Variants in PIK3C2G observed in about 807,000 individuals in gnomAD.
The protein encoded by PIK3C2G is phosphatidylinositol-4-phosphate 3-kinase catalytic subunit type 2 gamma, also known as phosphatidylinositol 3-kinase C2 domain-containing subunit gamma.
In PIK3C2G, 168 loss-of-function variants were observed where a neutral mutation model predicts 181.1. The ratio of observed to expected loss-of-function variants is 0.93; its 90% CI spans 0.82 to 1.05. PIK3C2G has a LOEUF of 1.05. Among genes scored for constraint, PIK3C2G ranks in the 50% least tolerant of loss-of-function variants. The pLI, the probability that PIK3C2G is intolerant of heterozygous loss-of-function variation, is 0.00. For synonymous variants in PIK3C2G, 573 were observed against 592.2 expected, an observed-to-expected ratio of 0.97 and a Z score of 0.47; for missense variants, 1,869 against 1,732.8, an observed-to-expected ratio of 1.08 and a Z score of -1.40.
intron 8 of PIK3C2G, among the ~76,000 whole-genome samples, chr12:18,329,499 C>T (rs1937690740): frequency 1.3e-5 from 2 of 151,926 alleles, no homozygotes; most frequent in Admixed American, 1.3e-4. Flanking sequence ...GATTTTCTTT[C>T]TAAGGTCTCC....
At chr12:18,284,456 A>G (rs1367302077) in intron 2 of PIK3C2G, among the ~76,000 whole-genome samples, 3 of 152,164 alleles carry the variant, frequency 2.0e-5, no homozygotes, top group Non-Finnish European at 4.4e-5. Context: ...AAAATTCAAC[A>G]TAAAATAAAA....
intron 22 of PIK3C2G, among the ~76,000 whole-genome samples, chr12:18,498,732 C>T (rs758093969): frequency 4.6e-5 from 7 of 152,226 alleles, no homozygotes; most frequent in South Asian, 2.1e-4. Context: ...CAAATTCACT[C>T]GCCACTTAAT....
At chr12:18,590,120 T>G (rs1405340498) in intron 29 of PIK3C2G, among the ~76,000 whole-genome samples, 1 of 151,106 alleles carries the variant, frequency 6.6e-6, no homozygotes, top group Non-Finnish European at 1.5e-5. Context: ...ATTCAGAGTT[T>G]TTTTTTTTTT....
At chr12:18,642,878 T>A (rs1435147366) in intron 32 of PIK3C2G, among the ~76,000 whole-genome samples, 1 of 151,732 alleles carries the variant, frequency 6.6e-6, no homozygotes, top group African/African-American at 2.4e-5. Flanking sequence ...AGAGAGATTC[T>A]CTAAACTGGT....
At chr12:18,279,101 T>C (rs1949104980) in intron 1 of PIK3C2G, among the ~76,000 whole-genome samples, 1 of 152,098 alleles carries the variant, frequency 6.6e-6, no homozygotes, top group African/African-American at 2.4e-5. Flanking sequence ...AATACTCTGT[T>C]CAGGGCCAAA....
At chr12:18,668,511 C>T in the PIK3C2G span, among the ~76,000 whole-genome samples, 1 of 152,192 alleles carries the variant, frequency 6.6e-6, no homozygotes, top group Non-Finnish European at 1.5e-5. Flanking sequence ...TCTACTACAA[C>T]TGAAGCTCCA....
chr12:18,625,721 A>G (rs1314842435), intron 31 of PIK3C2G, among the ~76,000 whole-genome samples: 3 of 151,904 alleles, frequency 2.0e-5, no homozygotes, highest in African/African-American at 7.2e-5. Flanking sequence ...AAGCATATAT[A>G]TTTAAAAGTG....
intron 2 of PIK3C2G, among the ~76,000 whole-genome samples, 191 bp from the exon 3 acceptor site, chr12:18,286,656 T>G (rs1005390367): frequency 6.6e-6 from 1 of 152,098 alleles, no homozygotes; most frequent in African/African-American, 2.4e-5. Flanking sequence ...TTTTATGCCT[T>G]CCACAGAACT....
chr12:18,439,721 C>T (rs1183931703), intron 18 of PIK3C2G, among the ~76,000 whole-genome samples: 1 of 152,038 alleles, frequency 6.6e-6, no homozygotes, highest in African/African-American at 2.4e-5. Flanking sequence ...ACTGCTAGTG[C>T]TATGTTTTTT....
At chr12:18,601,753 C>CA in intron 30 of PIK3C2G, among the ~76,000 whole-genome samples, 1 of 152,058 alleles carries the variant, frequency 6.6e-6, no homozygotes, top group East Asian at 1.9e-4. Context: ...GATACAACAA[C>CA]AAAAAACGTC....
At chr12:18,503,492 T>C (rs774961100) in intron 23 of PIK3C2G, 75 bp downstream of exon 23, 10 of 1,109,422 alleles carry the variant, frequency 9.0e-6, no homozygotes, top group Non-Finnish European at 1.2e-5. Flanking sequence ...ATATTCTGAT[T>C]TGTAGAAAAG....
chr12:18,683,909 G>C, the PIK3C2G span, among the ~76,000 whole-genome samples: 1 of 152,000 alleles, frequency 6.6e-6, no homozygotes, highest in East Asian at 1.9e-4. Flanking sequence ...TACATGCCAA[G>C]TTTGTCTAAT....
At chr12:18,262,634 A>C in intron 1 of PIK3C2G, among the ~76,000 whole-genome samples, 1 of 151,614 alleles carries the variant, frequency 6.6e-6, no homozygotes. Context: ...AAAAAAGACA[A>C]CTTCTACCTC....
chr12:18,347,619 G>A (rs1177691045), intron 11 of PIK3C2G, among the ~76,000 whole-genome samples: 1 of 152,036 alleles, frequency 6.6e-6, no homozygotes, highest in African/African-American at 2.4e-5. Context: ...AAACCAGCCT[G>A]GACAAAATGG....
Position 18,509,592 on chromosome 12 carries a change from C to T in PIK3C2G, c.3323+4131C>T, listed in dbSNP as rs186485377. Among the ~76,000 whole-genome samples the T allele has an allele frequency of 5.2e-3, 787 of 152,302 alleles. 2 individuals carry two copies. Among genetic ancestry groups the T allele is most frequent in the Middle Eastern group, 0.01 (3 of 294 alleles). On this transcript the variant is annotated intron_variant, in intron 24 of 32. Coordinates refer to ENST00000538779, the MANE Select transcript of PIK3C2G (RefSeq NM_001288772.2). ...AATTGAGTCAGCAAAGCCACTCTCT[C>T]ATTTGGAATCTATGCTCAGGTGTCC...
At chr12:18,594,016 T>C (rs114807760) in intron 29 of PIK3C2G, among the ~76,000 whole-genome samples, 2,399 of 152,010 alleles carry the variant, frequency 0.016, 69 homozygotes, top group African/African-American at 0.054. Context: ...CATGCCTCTC[T>C]TTTAAATTCC....
downstream of PIK3C2G, among the ~76,000 whole-genome samples, chr12:18,651,841 C>A (rs1242612804): frequency 6.6e-6 from 1 of 152,108 alleles, no homozygotes; most frequent in East Asian, 1.9e-4. Context: ...ATGAGGCAAC[C>A]ACAGGGCAGG....
At chr12:18,511,062 C>T (rs1378624713) in intron 24 of PIK3C2G, among the ~76,000 whole-genome samples, 1 of 146,602 alleles carries the variant, frequency 6.8e-6, no homozygotes, top group African/African-American at 2.5e-5. Flanking sequence ...TTAGATTTCA[C>T]ATGTATGTGA....
intron 19 of PIK3C2G, among the ~76,000 whole-genome samples, chr12:18,489,312 T>C (rs1175809556): frequency 6.6e-6 from 1 of 152,146 alleles, no homozygotes; most frequent in Non-Finnish European, 1.5e-5. Context: ...AATAATTAAC[T>C]ACCTACTATA....
Sources: gnomAD v4.1 joint callset for allele counts (sites outside exome capture counted in the v4.1 genomes callset) on GRCh38, gnomAD v4.1.1 for gene constraint, MANE v1.5 for transcripts, NCBI Gene and HGNC (gene_info 2026-07-23, HGNC 2026-07-21) for gene names.